NR6A1: variants seen among roughly 807,000 people sequenced by gnomAD.
The protein encoded by NR6A1 is retinoic acid receptor-related testis-associated receptor.
NR6A1 carries 7 observed loss-of-function variants against 59.1 expected under a neutral mutation model. The ratio of observed to expected loss-of-function variants is 0.12; its 90% CI spans 0.07 to 0.22. The LOEUF is 0.22. NR6A1 is among the 10% of genes least tolerant of loss of function. The pLI is 1.00. For missense variants in NR6A1, 468 were observed against 611.6 expected (o/e 0.77, Z 2.48); for synonymous variants, 243 against 236.1 (o/e 1.03, Z -0.27).
At chr9:124,569,464 G>T (rs939075209) in intron 2 of NR6A1, among the ~76,000 whole-genome samples, 4 of 152,206 alleles carry the variant, frequency 2.6e-5, no homozygotes, top group Non-Finnish European at 5.9e-5. Flanking sequence ...TTTTCAGACT[G>T]TGATGAAGGC....
intron 2 of NR6A1, among the ~76,000 whole-genome samples, chr9:124,593,567 G>C (rs778586434): frequency 1.3e-5 from 2 of 152,158 alleles, no homozygotes; most frequent in South Asian, 2.1e-4. Context: ...AAATCAATTT[G>C]GAGTTATTTT....
Position 124,745,666 on chromosome 9 carries a change from T to C in NR6A1, c.101-12317A>G, listed in dbSNP as rs1321847436. On this transcript the variant is annotated intron_variant, in intron 1 of 9. Transcript: ENST00000487099. ...AGCCTGGGCAACAAGAGTGAAACTC[T>C]GTCTTAAAAAAAAAAAAAAAAAATC... Among the ~76,000 whole-genome samples the C allele has an allele frequency of 2.5e-5, 3 of 118,020 alleles. No homozygotes were observed. In the East Asian group the frequency reaches 7.1e-4, roughly 28 times the overall value. 77.4% of individuals were successfully genotyped at this position (118,020 alleles called of 152,430 possible). A position where few individuals can be genotyped will look rare whatever the true frequency, so the allele number is the denominator to read the frequency against.
chr9:124,554,642 T>C, intron 2 of NR6A1, 72 bp from the exon 3 acceptor site: 1 of 1,591,490 alleles, frequency 6.3e-7, no homozygotes, highest in East Asian at 2.2e-5. Flanking sequence ...TGAGCAACTC[T>C]GCTCTGGGTA....
At chr9:124,593,384 G>A (rs1243644958) in intron 2 of NR6A1, among the ~76,000 whole-genome samples, 1 of 151,866 alleles carries the variant, frequency 6.6e-6, no homozygotes, top group Non-Finnish European at 1.5e-5. Context: ...ACAGGGTAAA[G>A]CAAACATTAG....
chr9:124,555,507 T>C (rs1833897150), intron 2 of NR6A1, among the ~76,000 whole-genome samples: 2 of 152,158 alleles, frequency 1.3e-5, no homozygotes, highest in African/African-American at 2.4e-5. Flanking sequence ...TCTCATCTAC[T>C]GAGGAGGCTG....
intron 2 of NR6A1, among the ~76,000 whole-genome samples, chr9:124,668,869 T>C (rs1448333873): frequency 1.3e-5 from 2 of 152,190 alleles, no homozygotes; most frequent in Admixed American, 6.5e-5. Context: ...ACTGAGAATG[T>C]GCTATACATA....
In NR6A1 at chr9:124,609,260, T is replaced by C. The variant is rs531319799; in HGVS notation, c.143-54690A>G. Among the ~76,000 whole-genome samples, 9 of 152,320 alleles carry C rather than the reference T, an allele frequency of 5.9e-5. No homozygotes were observed. In the East Asian group the frequency reaches 7.7e-4, roughly 13 times the overall value. ...GTTTTGGATTTTACATTTAAGTCTT[T>C]AGTCCATCTTGAGTTGATTTTTGTC... On this transcript the variant is annotated intron_variant, in intron 2 of 9. Transcript: ENST00000487099.
At chr9:124,545,834 G>A (rs549524517) in intron 3 of NR6A1, among the ~76,000 whole-genome samples, 67 of 152,238 alleles carry the variant, frequency 4.4e-4, no homozygotes, top group Non-Finnish European at 8.1e-4. Flanking sequence ...AAAGCTCATC[G>A]GCCAAGCACA....
At chr9:124,751,067 TC>T (rs61096264) in intron 1 of NR6A1, among the ~76,000 whole-genome samples, 151,877 of 152,308 alleles carry the variant, frequency 1, 75,727 homozygotes, top group Middle Eastern at 1. Context: ...CTTAAGTTGT[TC>T]CTCCCATCTG....
chr9:124,717,075 T>C (rs185177828), intron 2 of NR6A1, among the ~76,000 whole-genome samples: 3 of 152,300 alleles, frequency 2.0e-5, no homozygotes, highest in Admixed American at 2.0e-4. Context: ...CAATGCTCAC[T>C]AGAGTGACTA....
chr9:124,609,087 C>T (rs748674795), intron 2 of NR6A1, among the ~76,000 whole-genome samples: 8 of 152,080 alleles, frequency 5.3e-5, no homozygotes, highest in Non-Finnish European at 7.4e-5. Context: ...TATAGGTTGT[C>T]TGTTCACTCT....
At chr9:124,673,150 C>T (rs1459863694) in intron 2 of NR6A1, among the ~76,000 whole-genome samples, 1 of 152,028 alleles carries the variant, frequency 6.6e-6, no homozygotes, top group Non-Finnish European at 1.5e-5. Flanking sequence ...GGCAAAACTC[C>T]ATCTCCAGAA....
chr9:124,585,766 C>G (rs1326520802), intron 2 of NR6A1, among the ~76,000 whole-genome samples: 9 of 152,112 alleles, frequency 5.9e-5, no homozygotes, highest in Admixed American at 3.9e-4. Flanking sequence ...GACTCTCTTG[C>G]TAGAAGCTAA....
At chr9:124,578,860 T>C (rs1284538903) in intron 2 of NR6A1, among the ~76,000 whole-genome samples, 1 of 152,230 alleles carries the variant, frequency 6.6e-6, no homozygotes, top group Non-Finnish European at 1.5e-5. Context: ...CTATGCCACA[T>C]ACTGGAAATA....
At chr9:124,747,074 C>A (rs1036736426) in intron 1 of NR6A1, among the ~76,000 whole-genome samples, 3 of 152,024 alleles carry the variant, frequency 2.0e-5, no homozygotes, top group East Asian at 1.9e-4. Context: ...AATACAGACA[C>A]ATTATCAATA....
chr9:124,598,479 G>A (rs1335285886), intron 2 of NR6A1, among the ~76,000 whole-genome samples: 2 of 152,008 alleles, frequency 1.3e-5, no homozygotes, highest in South Asian at 2.1e-4. Context: ...TGAAATGTGG[G>A]AAAAAAGTAG....
chr9:124,589,319 G>A (rs1374448195), intron 2 of NR6A1, among the ~76,000 whole-genome samples: 6 of 152,132 alleles, frequency 3.9e-5, no homozygotes, highest in Admixed American at 1.3e-4. Context: ...GGTGGCGGGC[G>A]CCTGTAGTCC....
intron 2 of NR6A1, among the ~76,000 whole-genome samples, chr9:124,667,039 CTT>C (rs544057837): frequency 3.5e-5 from 5 of 144,280 alleles, no homozygotes; most frequent in Non-Finnish European, 3.1e-5. Flanking sequence ...ATCCACCCTA[CTT>C]TTTTTTTTTT....
chr9:124,617,256 C>A (rs1835922570), intron 2 of NR6A1, among the ~76,000 whole-genome samples: 1 of 152,198 alleles, frequency 6.6e-6, no homozygotes, highest in Non-Finnish European at 1.5e-5. Context: ...GCTTTGAGAG[C>A]CAATTTTGAA....
Sources: allele counts gnomAD v4.1 joint callset (sites outside exome capture counted in the v4.1 genomes callset), GRCh38; gene constraint gnomAD v4.1.1; transcripts MANE v1.5; gene names NCBI Gene and HGNC (gene_info 2026-07-23, HGNC 2026-07-21).